Variants in SEMA3F observed in about 807,000 individuals in gnomAD.
The protein encoded by SEMA3F is semaphorin-3F.
A neutral mutation model predicts 98.5 loss-of-function variants in SEMA3F; 30 were observed. The observed-to-expected ratio is 0.30, with a 90% CI of 0.23 to 0.41. The LOEUF (loss-of-function observed/expected upper bound fraction) is 0.41. Among genes scored for constraint, SEMA3F ranks in the 10% least tolerant of loss-of-function variants. The pLI, the probability that SEMA3F is intolerant of heterozygous loss-of-function variation, is 1.00. For synonymous variants in SEMA3F, 380 were observed against 444.8 expected (o/e 0.85, Z 1.83); for missense variants, 866 against 1,119.3 (o/e 0.77, Z 3.23).
At position 50,166,647 on chromosome 3, in the gene SEMA3F, A is replaced by T. The variant is rs1341604461; in HGVS notation, c.112+6913A>T. On this transcript the variant is annotated intron_variant, in intron 2 of 18. Transcript: ENST00000002829. This position sits in a 1 kb window ranked among gnomAD's most constrained non-coding sequence, Gnocchi z 4.7. Reference sequence around the variant, plus strand: ...TAAGACTGTCTGGAACATCCCGGGAATCTCTGGGTGGGTGTTGTGAAGGGG... The same window carrying T: ...TAAGACTGTCTGGAACATCCCGGGATTCTCTGGGTGGGTGTTGTGAAGGGG... 6.6e-6 allele frequency among the ~76,000 whole-genome samples: 1 copy of T among 151,808 alleles called. No homozygotes were observed. Among genetic ancestry groups the T allele is most frequent in the East Asian group, 1.9e-4 (1 of 5,148 alleles).
intron 2 of SEMA3F, among the ~76,000 whole-genome samples, chr3:50,170,528 A>G (rs1698562081): frequency 6.6e-6 from 1 of 152,084 alleles, no homozygotes; most frequent in African/African-American, 2.4e-5. Flanking sequence ...AGAGACACCC[A>G]TGAAGGATGG....
In SEMA3F at chr3:50,188,035, G is replaced by T; in HGVS notation, c.2278G>T (p.Ala760Ser). Residue 760 changes from alanine to serine, a missense_variant, in exon 19 of 19, where the codon GCT becomes TCT. By Grantham distance (99) the Ala-to-Ser change is moderately conservative (BLOSUM62 1). Around this residue, in one of 3 missense-constraint regions of SEMA3F, gnomAD observed 245 missense variants for 260.5 expected, o/e 0.94. Transcript: ENST00000002829. The surrounding 1 kb of genome is among the most constrained non-coding windows in gnomAD (Gnocchi z 4.5). The stretch of plus-strand genomic sequence containing the variant: ...CCATGTGCCCCCCAGCCCCAGGGAG[G>T]CTCCAGGGGCACCCCGGTCTCCTGA... ...WRHVPPSPRE[A>S]PGAPRSPEPQ... The T allele has an allele frequency of 6.3e-7, 1 of 1,594,756 alleles. No individual in the cohort carries two copies. The highest frequency in any genetic ancestry group is 1.7e-5 in the Admixed American group (1 of 58,432).
intron 2 of SEMA3F, among the ~76,000 whole-genome samples, chr3:50,163,294 G>C (rs1047146073): frequency 2.2e-4 from 33 of 152,226 alleles, no homozygotes; most frequent in Non-Finnish European, 2.5e-4. Flanking sequence ...CTTATTTCCA[G>C]GCTATAAATC....
At chr3:50,183,632 T>G in intron 12 of SEMA3F, 68 bp downstream of exon 12, 2 of 1,542,628 alleles carry the variant, frequency 1.3e-6, no homozygotes, top group Non-Finnish European at 8.9e-7. Context: ...TCAGGCTCTT[T>G]GCAACATGGG....
intron 12 of SEMA3F, 34 bp downstream of exon 12, chr3:50,183,598 C>G: frequency 6.2e-7 from 1 of 1,608,050 alleles, no homozygotes; most frequent in Non-Finnish European, 8.5e-7. Context: ...TCTCCCCTTT[C>G]TCTTCTTCTA....
intron 2 of SEMA3F, among the ~76,000 whole-genome samples, chr3:50,172,685 G>A (rs561188165): frequency 2.5e-4 from 38 of 152,280 alleles, no homozygotes; most frequent in Admixed American, 1.0e-3. Flanking sequence ...CAGCCTTATA[G>A]GGTCTGGGGG....
At chr3:50,161,488 A>G (rs756961403) in intron 2 of SEMA3F, among the ~76,000 whole-genome samples, 4 of 152,236 alleles carry the variant, frequency 2.6e-5, no homozygotes, top group Admixed American at 2.6e-4. Context: ...CGCAGTGACT[A>G]AAAGCTGAGC....
chr3:50,172,278 C>T (rs1368204017), intron 2 of SEMA3F, among the ~76,000 whole-genome samples: 1 of 152,178 alleles, frequency 6.6e-6, no homozygotes, highest in African/African-American at 2.4e-5. Flanking sequence ...CTTCTGTGTG[C>T]TGCTATCTTA....
chr3:50,175,159 C>T lies in SEMA3F; in HGVS notation c.520C>T (p.Leu174Phe), dbSNP rs1390906861. ...GRGSRATDGA[L>F]RPMPTAPRQD... ...CGGCAGCAGAGCCACGGATGGTGCC[C>T]TCCGCCCGATGCCCACAGCCCCACG... The change falls in exon 6 of 19, where the codon CTC becomes TTC. Residue 174 changes from leucine to phenylalanine, a missense_variant. Physicochemically the swap from Leu to Phe is conservative, Grantham distance 22. Coordinates refer to ENST00000002829, the MANE Select transcript of SEMA3F (RefSeq NM_004186.5). The T allele has an allele frequency of 6.2e-7, 1 of 1,606,822 alleles. No individual in the cohort carries two copies. Among genetic ancestry groups the T allele is most frequent in the Non-Finnish European group, 8.5e-7 (1 of 1,177,174 alleles).
chr3:50,164,358 G>A (rs750600977), intron 2 of SEMA3F, among the ~76,000 whole-genome samples: 23 of 152,168 alleles, frequency 1.5e-4, no homozygotes, highest in Non-Finnish European at 2.9e-4. Context: ...AAGAGAAACC[G>A]CCAAGATAAA....
chr3:50,155,904 C>G lies in SEMA3F; in HGVS notation c.-49+340C>G, dbSNP rs1293023260. On this transcript the variant is annotated intron_variant, in intron 1 of 18. Transcript: ENST00000002829. The surrounding 1 kb of genome is among the most constrained non-coding windows in gnomAD (Gnocchi z 4.9). ...TGGAGCGGGAGTTCCGATCCCCCTT[C>G]TGCCTCAGCTCTCTCTCCCATTAAC... is the stretch of plus-strand genomic sequence containing the variant. 1 of 153,158 alleles carries G rather than the reference C, an allele frequency of 6.5e-6. No homozygotes were observed. The highest frequency in any genetic ancestry group is 1.5e-5 in the Non-Finnish European group (1 of 68,672). 9.5% of individuals were successfully genotyped at this position (153,158 alleles called of 1,614,324 possible). A position where few individuals can be genotyped will look rare whatever the true frequency, so the allele number is the denominator to read the frequency against.
intron 2 of SEMA3F, among the ~76,000 whole-genome samples, chr3:50,162,111 T>A (rs1698230031): frequency 6.6e-6 from 1 of 152,174 alleles, no homozygotes; most frequent in Non-Finnish European, 1.5e-5. Context: ...GGCTGGGCAC[T>A]CCCTGCCCTG....
intron 2 of SEMA3F, among the ~76,000 whole-genome samples, chr3:50,167,212 C>T (rs1217139837): frequency 3.3e-5 from 5 of 152,164 alleles, no homozygotes; most frequent in African/African-American, 9.7e-5. Flanking sequence ...CTGTTAAGTT[C>T]CAAGTGGGAC....
At chr3:50,184,553 C>A in intron 12 of SEMA3F, 39 bp from the exon 13 acceptor site, 1 of 1,543,116 alleles carries the variant, frequency 6.5e-7, no homozygotes, top group Non-Finnish European at 8.9e-7. Flanking sequence ...CCTGCCCTGC[C>A]CAGGCAGCCT....
At chr3:50,160,590 G>A (rs752216576) in intron 2 of SEMA3F, among the ~76,000 whole-genome samples, 5 of 152,200 alleles carry the variant, frequency 3.3e-5, no homozygotes, top group Non-Finnish European at 7.3e-5. Context: ...CTGGGGCCTG[G>A]GGGACCTGGG....
intron 2 of SEMA3F, among the ~76,000 whole-genome samples, chr3:50,165,851 G>C (rs1245088068): frequency 6.6e-6 from 1 of 152,204 alleles, no homozygotes; most frequent in Non-Finnish European, 1.5e-5. Context: ...CCTGACCACT[G>C]GTCCTGACCC....
intron 1 of SEMA3F, among the ~76,000 whole-genome samples, chr3:50,157,935 G>A (rs1032481872): frequency 6.6e-6 from 1 of 152,202 alleles, no homozygotes; most frequent in Non-Finnish European, 1.5e-5. Context: ...GACTCAGACG[G>A]CATCTTGCGC....
Position 50,182,751 on chromosome 3 carries a change from G to A in SEMA3F, c.871G>A (p.Ala291Thr), listed in dbSNP as rs147698274. ...GTCGGCAGAGGCGCCGCAGAGCCCC[G>A]CGGTGTACGCCCGCATCGGGCGCAT... ...ERSAEAPQSPAVYARIGRICL... is the reference protein window; with the variant it reads ...ERSAEAPQSPTVYARIGRICL... The change falls in exon 9 of 19, where the codon GCG (alanine) becomes ACG (threonine). Residue 291 changes from alanine to threonine, a missense_variant. Ala to Thr is a moderately conservative substitution (Grantham distance 58). Coordinates refer to ENST00000002829, the MANE Select transcript of SEMA3F (RefSeq NM_004186.5). This position sits in a 1 kb window ranked among gnomAD's most constrained non-coding sequence, Gnocchi z 4.5. The A allele has an allele frequency of 3.5e-5, 56 of 1,613,200 alleles. No individual in the cohort carries two copies. Among genetic ancestry groups the A allele is most frequent in the Non-Finnish European group, 4.6e-5 (54 of 1,180,022 alleles).
At position 50,173,983 on chromosome 3, in the gene SEMA3F, G is replaced by A. The variant is rs779604849; in HGVS notation, c.273+30G>A. 5 of 1,613,826 alleles carry A rather than the reference G, an allele frequency of 3.1e-6. No homozygotes were observed. The African/African-American group carries it at 6.7e-5, about 22-fold the overall frequency. On this transcript the variant is annotated intron_variant, in intron 3 of 18. Coordinates refer to ENST00000002829, the MANE Select transcript of SEMA3F (RefSeq NM_004186.5). ...GGGCTGGCCCTGATGTGGGACGTGG[G>A]GTGGGCACGGAGCCCCAGGGCTCAG... is the stretch of plus-strand genomic sequence containing the variant.
Sources: allele counts gnomAD v4.1 joint callset (sites outside exome capture counted in the v4.1 genomes callset), GRCh38; gene constraint gnomAD v4.1.1; regional missense constraint gnomAD v4.1.1; non-coding constraint Gnocchi (gnomAD v3.1); transcripts MANE v1.5; gene names NCBI Gene and HGNC (gene_info 2026-07-23, HGNC 2026-07-21).